The following BIN2 variants were observed in gnomAD, a reference collection of about 807,000 sequenced individuals.
BIN2 encodes bridging integrator 2.
BIN2 carries 43 observed loss-of-function variants against 67.9 expected under a neutral mutation model. The observed-to-expected ratio is 0.63, with a 90% CI of 0.50 to 0.82. The LOEUF is 0.82. Among genes scored for constraint, BIN2 ranks in the 40% least tolerant of loss-of-function variants. The pLI is 0.00. For synonymous variants in BIN2, 244 were observed against 246.8 expected, an observed-to-expected ratio of 0.99 and a Z score of 0.11; for missense variants, 581 against 671.6, an observed-to-expected ratio of 0.87 and a Z score of 1.49.
chr12:51,298,827 G>A (rs1252083373), intron 7 of BIN2, among the ~76,000 whole-genome samples: 1 of 152,090 alleles, frequency 6.6e-6, no homozygotes, highest in African/African-American at 2.4e-5. Flanking sequence ...CCAGAACTTT[G>A]GGAGGCCAAG....
At chr12:51,292,808 T>C (rs1437027841) in intron 9 of BIN2, among the ~76,000 whole-genome samples, 2 of 152,194 alleles carry the variant, frequency 1.3e-5, no homozygotes, top group African/African-American at 4.8e-5. Context: ...ACCTTCTTGC[T>C]TCCGTTCTCA....
At chr12:51,324,665 A>T, upstream of BIN2, 1 of 838,686 alleles carries the variant, frequency 1.2e-6, no homozygotes, top group Non-Finnish European at 1.7e-6. Flanking sequence ...AAAGAGAGAA[A>T]CAGGCCGGGC....
intron 1 of BIN2, among the ~76,000 whole-genome samples, chr12:51,317,813 C>T (rs1055501555): frequency 1.3e-5 from 2 of 151,828 alleles, no homozygotes; most frequent in Non-Finnish European, 2.9e-5. Flanking sequence ...ACGATGAAAC[C>T]CCGTCTCTAC....
At chr12:51,281,637 A>G in intron 12 of BIN2, 109 bp from the exon 13 acceptor site, 1 of 1,147,434 alleles carries the variant, frequency 8.7e-7, no homozygotes, top group Admixed American at 1.8e-5. Context: ...ATGTAATGCC[A>G]CTGGCCTCTC....
chr12:51,292,554 A>G (rs1471763361), intron 9 of BIN2, among the ~76,000 whole-genome samples: 1 of 152,256 alleles, frequency 6.6e-6, no homozygotes, highest in African/African-American at 2.4e-5. Flanking sequence ...AAATATGTAC[A>G]GAGAAAGAGA....
chr12:51,295,619 T>A (rs199826082), intron 9 of BIN2, among the ~76,000 whole-genome samples, 177 bp downstream of exon 9: 10,629 of 66,482 alleles, frequency 0.16, 2,584 homozygotes, highest in East Asian at 0.59. Flanking sequence ...TATATATATA[T>A]ATATATATAT....
At position 51,313,907 on chromosome 12, in the gene BIN2, G is replaced by A; in HGVS notation, c.82-4C>T. On this transcript the variant is annotated splice_region_variant and splice_polypyrimidine_tract_variant and intron_variant, in intron 1 of 12. Transcript: ENST00000615107. ...CTTTCCCCAATTTCTGCAGCACCTA[G>A]GGATATAAGTCAGAAAGGCCCGTAA... The A allele has an allele frequency of 1.2e-6, 2 of 1,613,088 alleles. No homozygotes were observed. Among genetic ancestry groups the A allele is most frequent in the Non-Finnish European group, 1.7e-6 (2 of 1,179,108 alleles).
intron 11 of BIN2, 75 bp from the exon 12 acceptor site, chr12:51,284,862 GC>G: frequency 9.3e-7 from 1 of 1,073,938 alleles, no homozygotes; most frequent in Non-Finnish European, 1.4e-6. Flanking sequence ...TGTCTTCTGT[GC>G]CTTATACTTT....
intron 12 of BIN2, among the ~76,000 whole-genome samples, chr12:51,284,375 CAT>C (rs1945187761): frequency 2.0e-5 from 3 of 152,242 alleles, no homozygotes; most frequent in African/African-American, 7.2e-5. Context: ...TTTCTCAGAG[CAT>C]ATCCTTGTTG....
At chr12:51,321,128 C>CTG (rs1214249626) in intron 1 of BIN2, among the ~76,000 whole-genome samples, 1 of 133,426 alleles carries the variant, frequency 7.5e-6, no homozygotes, top group Non-Finnish European at 1.6e-5. Context: ...CTTCTGAGCT[C>CTG]TGTTCCTGAG....
Position 51,291,981 on chromosome 12 carries a change from G to A in BIN2, c.1125C>T (p.Ser375=). 6.2e-7 allele frequency: 1 copy of A among 1,614,226 alleles called. No homozygotes were observed. The highest frequency in any genetic ancestry group is 8.5e-7 in the Non-Finnish European group (1 of 1,180,036). The change falls in exon 10 of 13, where the codon AGC becomes AGT. Residue 375 remains serine, a synonymous_variant. Coordinates refer to ENST00000615107, the MANE Select transcript of BIN2 (RefSeq NM_016293.4). ...CAGATGATGAAGGCTGCCCTGAAGG[G>A]CTCAGGGCTCCGCCTGGTGATGGAG... The part of the protein sequence containing the change: ...STTPSPGGAL[S]PSGQPSSSAT...
chr12:51,313,929 G>T, intron 1 of BIN2, 26 bp from the exon 2 acceptor site: 1 of 1,591,700 alleles, frequency 6.3e-7, no homozygotes, highest in Non-Finnish European at 8.6e-7. Flanking sequence ...AGAAAGGCCC[G>T]TAAGGTTATA....
chr12:51,294,348 C>A (rs1316744400), intron 9 of BIN2, among the ~76,000 whole-genome samples: 2 of 152,148 alleles, frequency 1.3e-5, no homozygotes, highest in Non-Finnish European at 2.9e-5. Context: ...GCGGGCGGAT[C>A]ACGAGGTCAG....
chr12:51,302,575 T>A (rs1945755200), intron 4 of BIN2, 111 bp downstream of exon 4: 1 of 898,880 alleles, frequency 1.1e-6, no homozygotes, highest in South Asian at 1.5e-5. Context: ...AAATGCACAG[T>A]GTGAACTGGC....
At chr12:51,285,626 CT>C (rs10562037) in intron 11 of BIN2, among the ~76,000 whole-genome samples, 4,831 of 131,378 alleles carry the variant, frequency 0.037, 172 homozygotes, top group African/African-American at 0.11. Flanking sequence ...TTCTTTCTTT[CT>C]TTTTTTTTTT....
Position 51,291,583 on chromosome 12 carries a change from A to T in BIN2, c.1515+8T>A. Reference sequence around the variant, plus strand: ...TTAAATTAAATACCCAACCAGAACTACTCTTACCTGAGATGTCATTAAGGT... The same window carrying T: ...TTAAATTAAATACCCAACCAGAACTTCTCTTACCTGAGATGTCATTAAGGT... On this transcript the variant is annotated splice_region_variant and intron_variant, in intron 10 of 12. Coordinates refer to ENST00000615107, the MANE Select transcript of BIN2 (RefSeq NM_016293.4). 6.3e-7 allele frequency: 1 copy of T among 1,585,216 alleles called. No homozygotes were observed. Among genetic ancestry groups the T allele is most frequent in the East Asian group, 2.2e-5 (1 of 44,750 alleles).
In BIN2 at chr12:51,297,115, C is replaced by T. The variant is rs775203351; in HGVS notation, c.652G>A (p.Asp218Asn). The change falls in exon 8 of 13, where the codon GAT (aspartate) becomes AAT (asparagine). Residue 218 changes from aspartate to asparagine, a missense_variant. Physicochemically the swap from Asp to Asn is conservative, Grantham distance 23 (BLOSUM62 1). Transcript: ENST00000615107. ...TTGCTCATTTCCCTGTAGAAGACAT[C>T]CCTCAAGTTGGAAATGTTTTGGAAG... ...TIFQNISNLR[D>N]VFYREMSKLN... 1.2e-6 allele frequency: 2 copies of T among 1,613,950 alleles called. No homozygotes were observed. Among genetic ancestry groups the T allele is most frequent in the Non-Finnish European group, 1.7e-6 (2 of 1,179,960 alleles).
At chr12:51,301,983 C>A in intron 5 of BIN2, 37 bp downstream of exon 5, 6 of 1,417,052 alleles carry the variant, frequency 4.2e-6, no homozygotes, top group Middle Eastern at 1.8e-4. Flanking sequence ...CTGGATGGGT[C>A]ATCCACAACC....
At chr12:51,302,145 G>A in intron 4 of BIN2, 30 bp from the exon 5 acceptor site, 1 of 1,526,998 alleles carries the variant, frequency 6.5e-7, no homozygotes, top group Non-Finnish European at 9.1e-7. Flanking sequence ...GCTGGTGAAG[G>A]CTCCACTTCC....
Sources: allele counts gnomAD v4.1 joint callset (sites outside exome capture counted in the v4.1 genomes callset), GRCh38; gene constraint gnomAD v4.1.1; transcripts MANE v1.5; gene names NCBI Gene and HGNC (gene_info 2026-07-23, HGNC 2026-07-21).